The following MROH9 variants were observed in gnomAD, a reference collection of about 807,000 sequenced individuals.
MROH9 encodes maestro heat-like repeat-containing protein family member 9.
In MROH9, 92 loss-of-function variants were observed where a neutral mutation model predicts 98.2. That is an observed-to-expected ratio of 0.94 (90% CI 0.79 to 1.11). The LOEUF (loss-of-function observed/expected upper bound fraction) is 1.11, where lower values mean the gene tolerates loss of function less well. Among genes scored for constraint, MROH9 ranks in the 50% most tolerant of loss-of-function variants. MROH9 has a pLI of 0.00. For missense variants in MROH9, 1,057 were observed against 1,014.8 expected, an observed-to-expected ratio of 1.04 and a Z score of -0.57; for synonymous variants, 397 against 368.9, an observed-to-expected ratio of 1.08 and a Z score of -0.87.
chr1:171,060,440 A>C (rs904755099), intron 20 of MROH9, among the ~76,000 whole-genome samples: 1 of 152,184 alleles, frequency 6.6e-6, no homozygotes, highest in African/African-American at 2.4e-5. Flanking sequence ...TGACAAGCTG[A>C]TTATAAACTT....
At chr1:170,936,198 T>G (rs990993433) in intron 1 of MROH9, among the ~76,000 whole-genome samples, 23 of 152,038 alleles carry the variant, frequency 1.5e-4, no homozygotes, top group Non-Finnish European at 2.5e-4. Context: ...AGGTATTGGT[T>G]TACACAATAA....
chr1:170,943,980 C>G (rs1267696036), intron 1 of MROH9, among the ~76,000 whole-genome samples: 2 of 151,914 alleles, frequency 1.3e-5, no homozygotes, highest in East Asian at 3.9e-4. Flanking sequence ...AAATATTATA[C>G]ATCTTGAAAG....
At chr1:171,010,714 T>C (rs1221925476) in intron 15 of MROH9, among the ~76,000 whole-genome samples, 1 of 151,572 alleles carries the variant, frequency 6.6e-6, no homozygotes, top group African/African-American at 2.4e-5. Context: ...CATATGTCTG[T>C]TGGCTGCATA....
intron 8 of MROH9, among the ~76,000 whole-genome samples, chr1:170,978,414 T>C (rs1650797858): frequency 6.6e-6 from 1 of 152,070 alleles, no homozygotes; most frequent in African/African-American, 2.4e-5. Flanking sequence ...CACTTACCAG[T>C]GGATATGCTC....
chr1:171,024,594 T>C (rs1652645792), intron 18 of MROH9, 47 bp downstream of exon 18: 7 of 1,530,058 alleles, frequency 4.6e-6, no homozygotes, highest in Non-Finnish European at 5.3e-6. Flanking sequence ...AGGATTGTAA[T>C]GTTTTATCTA....
chr1:171,033,344 T>C, intron 20 of MROH9, among the ~76,000 whole-genome samples: 1 of 152,244 alleles, frequency 6.6e-6, no homozygotes, highest in East Asian at 1.9e-4. Flanking sequence ...GATGAGAGGC[T>C]GTTAAGAGTC....
At chr1:170,953,324 AGAGCAAG>A (rs1237570457) in intron 3 of MROH9, among the ~76,000 whole-genome samples, 21 of 152,154 alleles carry the variant, frequency 1.4e-4, no homozygotes, top group Admixed American at 2.6e-4. Flanking sequence ...TATCTTTTGA[AGAGCAAG>A]AGGTTTTAGT....
At chr1:171,050,274 A>G (rs66583062) in intron 20 of MROH9, among the ~76,000 whole-genome samples, 22,318 of 152,100 alleles carry the variant, frequency 0.15, 1,963 homozygotes, top group African/African-American at 0.24. Flanking sequence ...TCTTATTTAA[A>G]TCTTTAACAT....
At chr1:170,949,608 G>C (rs1649468910) in intron 3 of MROH9, among the ~76,000 whole-genome samples, 1 of 151,964 alleles carries the variant, frequency 6.6e-6, no homozygotes, top group African/African-American at 2.4e-5. Flanking sequence ...CCTGCACCTG[G>C]GTCAAGTGGG....
intron 15 of MROH9, among the ~76,000 whole-genome samples, chr1:171,007,669 G>C (rs150136708): frequency 3.9e-5 from 6 of 152,266 alleles, no homozygotes; most frequent in African/African-American, 1.2e-4. Context: ...TCACATATAG[G>C]CTTCTTTTGG....
At chr1:171,006,866 T>C (rs1651970831) in intron 15 of MROH9, among the ~76,000 whole-genome samples, 1 of 152,140 alleles carries the variant, frequency 6.6e-6, no homozygotes, top group Non-Finnish European at 1.5e-5. Context: ...TGCATTGCCT[T>C]TCTAATTTTA....
At chr1:170,958,665 C>T (rs1649888372) in intron 4 of MROH9, 125 bp downstream of exon 4, 9 of 613,792 alleles carry the variant, frequency 1.5e-5, no homozygotes, top group Admixed American at 2.8e-5. Context: ...AATTTGGTGA[C>T]TACTATTTCT....
chr1:171,051,719 C>A (rs1018436718), intron 20 of MROH9, among the ~76,000 whole-genome samples: 1 of 152,114 alleles, frequency 6.6e-6, no homozygotes, highest in African/African-American at 2.4e-5. Flanking sequence ...ACCTGCACAT[C>A]CTGCACATGT....
chr1:170,989,781 T>C, intron 10 of MROH9, 74 bp from the exon 11 acceptor site: 1 of 1,363,632 alleles, frequency 7.3e-7, no homozygotes, highest in East Asian at 2.3e-5. Context: ...AATTCTTATG[T>C]CCAAGAAATG....
At chr1:171,043,998 T>C (rs1254788718) in intron 20 of MROH9, among the ~76,000 whole-genome samples, 1 of 152,182 alleles carries the variant, frequency 6.6e-6, no homozygotes. Flanking sequence ...GGACTTCTAG[T>C]ACTACATTGA....
At chr1:171,010,914 G>C (rs1652128503) in intron 15 of MROH9, among the ~76,000 whole-genome samples, 1 of 152,150 alleles carries the variant, frequency 6.6e-6, no homozygotes, top group Non-Finnish European at 1.5e-5. Flanking sequence ...TCTGATGATA[G>C]TTTATTTTGC....
chr1:170,943,574 T>C (rs1571434608), intron 1 of MROH9, among the ~76,000 whole-genome samples: 1 of 151,948 alleles, frequency 6.6e-6, no homozygotes, highest in African/African-American at 2.4e-5. Flanking sequence ...CTTGTAAAGT[T>C]ACTTAATTTC....
rs190392705 is a variant in MROH9 at position 170,999,073 on chromosome 1, G to A, written c.1596+799G>A. On this transcript the variant is annotated intron_variant, in intron 15 of 21. Transcript: ENST00000367759. ...TTTGACCTCTCATTAATTTTACTGC[G>A]TGACTCATTATTTTTATTGAATTGA... Among the ~76,000 whole-genome samples, 16 of 152,064 alleles carry A rather than the reference G, an allele frequency of 1.1e-4. No homozygotes were observed. In the Middle Eastern group the frequency reaches 0.01, roughly 97 times the overall value.
intron 13 of MROH9, 26 bp downstream of exon 13, chr1:170,995,557 T>C: frequency 3.1e-6 from 5 of 1,611,424 alleles, no homozygotes; most frequent in South Asian, 1.1e-5. Context: ...TTATTTCAGA[T>C]TAAATAAGAG....
Sources: gnomAD v4.1 joint callset for allele counts (sites outside exome capture counted in the v4.1 genomes callset) on GRCh38, gnomAD v4.1.1 for gene constraint, MANE v1.5 for transcripts, NCBI Gene and HGNC (gene_info 2026-07-23, HGNC 2026-07-21) for gene names.